SLC44A1: variants seen among roughly 807,000 people sequenced by gnomAD.
SLC44A1 encodes choline transporter-like protein 1.
SLC44A1 carries 26 observed loss-of-function variants against 79.3 expected under a neutral mutation model. The ratio of observed to expected loss-of-function variants is 0.33; its 90% confidence interval spans 0.24 to 0.46. The LOEUF (loss-of-function observed/expected upper bound fraction) is 0.46, where lower values mean the gene tolerates loss of function less well. Among genes scored for constraint, SLC44A1 ranks in the 20% least tolerant of loss-of-function variants. The pLI is 1.00. For missense variants in SLC44A1, 688 were observed against 798.1 expected (o/e 0.86, Z 1.66); for synonymous variants, 263 against 286.2 (o/e 0.92, Z 0.82).
chr9:105,321,375 A>G (rs1359202847), intron 3 of SLC44A1, among the ~76,000 whole-genome samples: 8 of 152,154 alleles, frequency 5.3e-5, no homozygotes, highest in Non-Finnish European at 1.2e-4. Context: ...AGATTTTGTT[A>G]TAGGTTTGAT....
chr9:105,325,570 G>A (rs2417615), intron 3 of SLC44A1, among the ~76,000 whole-genome samples: 32,244 of 152,034 alleles, frequency 0.21, 5,562 homozygotes, highest in African/African-American at 0.48. Flanking sequence ...CGAGTGTGCT[G>A]ATATGCTAGC....
In SLC44A1 at chr9:105,394,713, A is replaced by C. The variant is rs1181416825; in HGVS notation, c.*5657A>C. 1.4e-5 allele frequency: 14 copies of C among 985,344 alleles called. No individual in the cohort carries two copies. Among genetic ancestry groups the C allele is most frequent in the Non-Finnish European group, 1.7e-5 (14 of 829,946 alleles). 61.0% of individuals were successfully genotyped at this position (985,344 alleles called of 1,614,324 possible). A position where few individuals can be genotyped will look rare whatever the true frequency, so the allele number is the denominator to read the frequency against. ...CAGTTGAAGATGATGATAAATTAGC[A>C]AACTCAAGGGTAGTCCATAGTTGGC... is the stretch of plus-strand genomic sequence containing the variant. On this transcript the variant is annotated 3_prime_UTR_variant, in exon 16 of 16. Coordinates refer to ENST00000374720, the MANE Select transcript of SLC44A1 (RefSeq NM_080546.5).
intron 13 of SLC44A1, among the ~76,000 whole-genome samples, chr9:105,375,101 G>A (rs1456115190): frequency 6.6e-6 from 1 of 152,196 alleles, no homozygotes; most frequent in East Asian, 1.9e-4. Flanking sequence ...GAATACAATG[G>A]TGCTATCTCA....
At chr9:105,341,022 G>C (rs1405092393) in intron 4 of SLC44A1, among the ~76,000 whole-genome samples, 2 of 152,074 alleles carry the variant, frequency 1.3e-5, no homozygotes. Context: ...GGCTTTTAAA[G>C]GCAGACAGAC....
At chr9:105,351,596 GAGAAAGAAAGAAAGAAAGAAAGAAA>G (rs1202210600) in intron 5 of SLC44A1, among the ~76,000 whole-genome samples, 32 of 113,508 alleles carry the variant, frequency 2.8e-4, no homozygotes, top group Middle Eastern at 8.6e-3. Context: ...AAGAGAGAAA[GAGAAAGAAAGAAAGAAAGAAAGAAA>G]GAGAGAGAAA....
intron 1 of SLC44A1, among the ~76,000 whole-genome samples, chr9:105,253,092 T>G (rs534034846): frequency 6.6e-6 from 1 of 152,332 alleles, no homozygotes. Context: ...TGTGAAAATA[T>G]TATTATTCCT....
At chr9:105,299,108 A>G (rs1830806768) in intron 1 of SLC44A1, 112 bp from the exon 2 acceptor site, 2 of 726,676 alleles carry the variant, frequency 2.8e-6, no homozygotes, top group Non-Finnish European at 4.5e-6. Context: ...TAAAGGTTCA[A>G]TAGAAACTTG....
At chr9:105,431,290 C>T (rs1433170013) in intron 15 of SLC44A1, among the ~76,000 whole-genome samples, 2 of 152,280 alleles carry the variant, frequency 1.3e-5, no homozygotes, top group East Asian at 3.9e-4. Context: ...CAACTTTCTT[C>T]TTTTGCATGT....
rs907241948 is a variant in SLC44A1 at position 105,383,258 on chromosome 9, T to G, written c.1768T>G (p.Tyr590Asp). The G allele has an allele frequency of 6.2e-7, 1 of 1,613,844 alleles. No individual in the cohort carries two copies. The highest frequency in any genetic ancestry group is 8.5e-7 in the Non-Finnish European group (1 of 1,179,836). ...AGTCGCTCATTGCTTCCTGTCTATT[T>G]ATGAAATGGTAGTGGATGTATTATT... ...FLVAHCFLSI[Y>D]EMVVDVLFLC... Residue 590 changes from tyrosine (Y) to aspartate (D), a missense_variant, in exon 14 of 16, where the codon TAT becomes GAT. Tyr to Asp is a radical substitution (Grantham distance 160, BLOSUM62 -3). Coordinates refer to ENST00000374720, the MANE Select transcript of SLC44A1 (RefSeq NM_080546.5).
At chr9:105,322,554 T>A (rs1214889026) in intron 3 of SLC44A1, among the ~76,000 whole-genome samples, 1 of 152,124 alleles carries the variant, frequency 6.6e-6, no homozygotes, top group East Asian at 1.9e-4. Flanking sequence ...TAGAGGAGAA[T>A]GAAAGGGGTA....
intron 15 of SLC44A1, among the ~76,000 whole-genome samples, chr9:105,430,894 G>A (rs1010210852): frequency 1.3e-5 from 2 of 152,144 alleles, no homozygotes; most frequent in African/African-American, 4.8e-5. Context: ...CACCAGCAAT[G>A]TATGAGGGTT....
At chr9:105,414,395 A>G (rs1331480846) in intron 15 of SLC44A1, among the ~76,000 whole-genome samples, 2 of 152,168 alleles carry the variant, frequency 1.3e-5, no homozygotes, top group African/African-American at 4.8e-5. Flanking sequence ...ATTTGGATCG[A>G]TGATTTTCAT....
At position 105,366,364 on chromosome 9, in the gene SLC44A1, T is replaced by C. The variant is rs1827941782; in HGVS notation, c.1429T>C (p.Cys477Arg). Residue 477 changes from cysteine to arginine, a missense_variant, in exon 12 of 16, where the codon TGT (cysteine) becomes CGT (arginine). Cys to Arg is a radical substitution (Grantham distance 180, BLOSUM62 -3). Transcript: ENST00000374720. ...LKGKENACAR[C>R]VLKSCICCLW... The stretch of plus-strand genomic sequence containing the variant: ...CATCCAGGAAAATGCTTGTGCACGA[T>C]GTGTGCTGAAATCTTGCATTTGTTG... 14 of 1,513,148 alleles carry C rather than the reference T, an allele frequency of 9.3e-6. No individual in the cohort carries two copies. Among genetic ancestry groups the C allele is most frequent in the South Asian group, 1.4e-5 (1 of 72,160 alleles). The allele number at this position is 1,513,148 out of a possible 1,614,324, so 93.7% of individuals were successfully genotyped here. A position where few individuals can be genotyped will look rare whatever the true frequency, so the allele number is the denominator to read the frequency against.
chr9:105,303,628 G>A (rs957688589), intron 2 of SLC44A1, among the ~76,000 whole-genome samples: 56 of 152,264 alleles, frequency 3.7e-4, no homozygotes, highest in African/African-American at 1.3e-3. Context: ...GGAAACAGAG[G>A]CATAGAGATA....
chr9:105,244,987 C>T, intron 1 of SLC44A1, 83 bp downstream of exon 1: 2 of 580,976 alleles, frequency 3.4e-6, no homozygotes, highest in South Asian at 1.6e-4. Context: ...CGCCCGATAC[C>T]TCTCGCTGTC....
chr9:105,418,246 G>A (rs1166652466), intron 15 of SLC44A1, among the ~76,000 whole-genome samples: 22 of 150,252 alleles, frequency 1.5e-4, no homozygotes, highest in Admixed American at 1.3e-4. Flanking sequence ...CCTGGGAAGC[G>A]GAGGTTGCAG....
intron 3 of SLC44A1, among the ~76,000 whole-genome samples, chr9:105,318,902 A>G (rs1203006010): frequency 6.6e-6 from 1 of 152,140 alleles, no homozygotes. Context: ...TGCCATGTCT[A>G]AGTTAAACAG....
intron 1 of SLC44A1, among the ~76,000 whole-genome samples, chr9:105,292,170 T>A (rs1321900596): frequency 6.6e-6 from 1 of 152,196 alleles, no homozygotes; most frequent in Non-Finnish European, 1.5e-5. Context: ...TCTGGGGGAA[T>A]GCCAAAGGAG....
Position 105,284,671 on chromosome 9 carries a change from C to A in SLC44A1, c.37-14549C>A, listed in dbSNP as rs1033982859. On this transcript the variant is annotated intron_variant, in intron 1 of 15. Coordinates refer to ENST00000374720, the MANE Select transcript of SLC44A1 (RefSeq NM_080546.5). ...CCACTTTCATCTCGTATATCTGATG[C>A]GGTAGCTATATGAAAAGTGTTCATA... 4.6e-5 allele frequency among the ~76,000 whole-genome samples: 7 copies of A among 151,978 alleles called. No individual in the cohort carries two copies. The East Asian group carries it at 1.3e-3, about 29-fold the overall frequency.
Sources: gnomAD v4.1 joint callset for allele counts (sites outside exome capture counted in the v4.1 genomes callset) on GRCh38, gnomAD v4.1.1 for gene constraint, MANE v1.5 for transcripts, NCBI Gene and HGNC (gene_info 2026-07-23, HGNC 2026-07-21) for gene names.